The following PHYHIPL variants were observed in gnomAD, a reference collection of about 807,000 sequenced individuals.
PHYHIPL encodes the protein phytanoyl-CoA hydroxylase-interacting protein-like.
In PHYHIPL, 9 loss-of-function variants were observed where a neutral mutation model predicts 33.4. That is an observed-to-expected ratio of 0.27 (90% CI 0.16 to 0.47). The LOEUF (loss-of-function observed/expected upper bound fraction) is 0.47, where lower values mean the gene tolerates loss of function less well. PHYHIPL is among the 20% of genes least tolerant of loss of function. The probability of loss-of-function intolerance (pLI) is 0.99; values close to 1 mark genes in which losing one functional copy is unlikely to be tolerated. For synonymous variants in PHYHIPL, 153 were observed against 154.1 expected (o/e 0.99, Z 0.05); for missense variants, 365 against 460.7 (o/e 0.79, Z 1.90).
chr10:59,179,842 TACACACACACACACAC>T (rs147836305), intron 1 of PHYHIPL, among the ~76,000 whole-genome samples: 148 of 134,872 alleles, frequency 1.1e-3, no homozygotes, highest in African/African-American at 3.9e-3. Context: ...GCAAGACAGT[TACACACACACACACAC>T]ACACACACAC....
chr10:59,220,457 A>C (rs575737576), intron 1 of PHYHIPL, among the ~76,000 whole-genome samples: 1 of 152,194 alleles, frequency 6.6e-6, no homozygotes, highest in African/African-American at 2.4e-5. Context: ...ACCAGAAAAT[A>C]ATTCTTGAAT....
Position 59,238,723 on chromosome 10 carries a change from A to G in PHYHIPL, c.596+18A>G, listed in dbSNP as rs1400299079. ...TATGTTCGGTAAGATTCAAAAATAT[A>G]TAGTGATTTGTTTTACTAAATATAG... On this transcript the variant is annotated intron_variant, in intron 4 of 4. Coordinates refer to ENST00000373880, the MANE Select transcript of PHYHIPL (RefSeq NM_032439.4). 2 of 1,465,646 alleles carry G rather than the reference A, an allele frequency of 1.4e-6. No homozygotes were observed. Among genetic ancestry groups the G allele is most frequent in the Admixed American group, 1.7e-5 (1 of 59,310 alleles). 90.8% of individuals were successfully genotyped at this position (1,465,646 alleles called of 1,614,324 possible).
At chr10:59,200,788 G>A (rs573893191) in intron 1 of PHYHIPL, among the ~76,000 whole-genome samples, 47 of 152,226 alleles carry the variant, frequency 3.1e-4, no homozygotes, top group African/African-American at 1.1e-3. Flanking sequence ...AGTCTTCGGA[G>A]GGTGTATGTG....
intron 1 of PHYHIPL, among the ~76,000 whole-genome samples, chr10:59,194,078 ATGTTTTT>A (rs1838847072): frequency 7.9e-6 from 1 of 126,522 alleles, no homozygotes; most frequent in African/African-American, 3.1e-5. Flanking sequence ...CTTTACCTAT[ATGTTTTT>A]TTTTTTTTTT....
intron 1 of PHYHIPL, among the ~76,000 whole-genome samples, chr10:59,202,276 T>A (rs1261404930): frequency 6.6e-6 from 1 of 151,860 alleles, no homozygotes; most frequent in Non-Finnish European, 1.5e-5. Context: ...TAGAAGCCCA[T>A]CCCCCACCGT....
At chr10:59,211,933 TG>T (rs1272887760) in intron 1 of PHYHIPL, among the ~76,000 whole-genome samples, 2 of 152,174 alleles carry the variant, frequency 1.3e-5, no homozygotes, top group Non-Finnish European at 2.9e-5. Context: ...AAACTGATGT[TG>T]GAACTTAATC....
intron 1 of PHYHIPL, among the ~76,000 whole-genome samples, chr10:59,205,715 C>G (rs1427208147): frequency 6.6e-6 from 1 of 152,014 alleles, no homozygotes; most frequent in South Asian, 2.1e-4. Flanking sequence ...TACACTGGTC[C>G]TCATGGCACA....
chr10:59,214,804 A>G (rs563004315), intron 1 of PHYHIPL, among the ~76,000 whole-genome samples: 1 of 152,206 alleles, frequency 6.6e-6, no homozygotes, highest in African/African-American at 2.4e-5. Flanking sequence ...AGGAATTAGC[A>G]TCCTTATTGC....
intron 1 of PHYHIPL, among the ~76,000 whole-genome samples, chr10:59,209,883 T>TG (rs1299647342): frequency 6.6e-6 from 1 of 152,180 alleles, no homozygotes; most frequent in Non-Finnish European, 1.5e-5. Flanking sequence ...AAACTGAAAC[T>TG]GGACCCCTTC....
chr10:59,240,021 C>T (rs1477320041), intron 4 of PHYHIPL, among the ~76,000 whole-genome samples: 7 of 152,008 alleles, frequency 4.6e-5, no homozygotes, highest in Non-Finnish European at 8.8e-5. Context: ...GAAGAACACA[C>T]GTAGGCATCT....
intron 1 of PHYHIPL, among the ~76,000 whole-genome samples, chr10:59,200,683 G>A (rs966714138): frequency 2.0e-5 from 3 of 152,068 alleles, no homozygotes; most frequent in Non-Finnish European, 4.4e-5. Context: ...AATCCATCTG[G>A]TCCTGGACTT....
intron 1 of PHYHIPL, among the ~76,000 whole-genome samples, chr10:59,189,855 AT>A (rs1215140170): frequency 5.9e-5 from 9 of 151,950 alleles, no homozygotes; most frequent in Non-Finnish European, 1.0e-4. Context: ...AGATAAGAGA[AT>A]AAACAAAGGC....
chr10:59,203,661 G>T (rs1368839908), intron 1 of PHYHIPL, among the ~76,000 whole-genome samples: 1 of 151,618 alleles, frequency 6.6e-6, no homozygotes, highest in South Asian at 2.1e-4. Context: ...GCAAACTATC[G>T]CAAGGACAGA....
At chr10:59,188,271 C>G (rs533723068) in intron 1 of PHYHIPL, among the ~76,000 whole-genome samples, 1 of 152,026 alleles carries the variant, frequency 6.6e-6, no homozygotes, top group Admixed American at 6.6e-5. Context: ...TGTAGTTGAG[C>G]GGTTTTGAGT....
At chr10:59,227,250 A>G (rs4948328) in intron 1 of PHYHIPL, among the ~76,000 whole-genome samples, 145,363 of 152,244 alleles carry the variant, frequency 0.95, 69,681 homozygotes, top group Middle Eastern at 1. Flanking sequence ...CTACCTAGCT[A>G]GCTTCTGGTG....
intron 1 of PHYHIPL, among the ~76,000 whole-genome samples, chr10:59,223,022 C>T (rs1466549635): frequency 2.0e-5 from 3 of 152,116 alleles, no homozygotes; most frequent in African/African-American, 4.8e-5. Flanking sequence ...GAATTCCAAC[C>T]CATGTCTGTC....
At chr10:59,221,684 T>C in intron 1 of PHYHIPL, 1 of 984,950 alleles carries the variant, frequency 1.0e-6, no homozygotes, top group Non-Finnish European at 1.2e-6. Flanking sequence ...AATCTAGAGC[T>C]GTATTGTGAA....
At chr10:59,206,307 T>C (rs960669864) in intron 1 of PHYHIPL, among the ~76,000 whole-genome samples, 2 of 152,202 alleles carry the variant, frequency 1.3e-5, no homozygotes, top group African/African-American at 4.8e-5. Context: ...AGACTACTTA[T>C]ACTGCGTGTC....
At chr10:59,176,323 G>C (rs377031494), upstream of PHYHIPL, among the ~76,000 whole-genome samples, 4 of 152,220 alleles carry the variant, frequency 2.6e-5, no homozygotes, top group Non-Finnish European at 4.4e-5. Context: ...CAGGCACCGA[G>C]AGCAGACAGA....
Sources: gnomAD v4.1 joint callset for allele counts (sites outside exome capture counted in the v4.1 genomes callset) on GRCh38, gnomAD v4.1.1 for gene constraint, MANE v1.5 for transcripts, NCBI Gene and HGNC (gene_info 2026-07-23, HGNC 2026-07-21) for gene names.